The following SUMO2 variants were observed in gnomAD, a reference collection of about 807,000 sequenced individuals.
SUMO2 encodes the protein small ubiquitin like modifier 2, also known as small ubiquitin-related modifier 2.
A neutral mutation model predicts 16.0 loss-of-function variants in SUMO2; 1 was observed. The observed-to-expected ratio is 0.06, with a 90% CI of 0.02 to 0.30. The LOEUF is 0.30. SUMO2 is among the 10% of genes least tolerant of loss of function. The probability of loss-of-function intolerance (pLI) is 1.00; values close to 1 mark genes in which losing one functional copy is unlikely to be tolerated. For missense variants in SUMO2, 16 were observed against 117.5 expected (o/e 0.14, Z 3.99); for synonymous variants, 36 against 40.6 (o/e 0.89, Z 0.43).
At chr17:75,170,806 C>T (rs542806556) in intron 3 of SUMO2, among the ~76,000 whole-genome samples, 4 of 148,886 alleles carry the variant, frequency 2.7e-5, no homozygotes, top group African/African-American at 5.0e-5. Flanking sequence ...GCTGAGATCA[C>T]GCCACTGCAC....
At chr17:75,172,391 C>T (rs1476545852) in intron 3 of SUMO2, among the ~76,000 whole-genome samples, 1 of 148,440 alleles carries the variant, frequency 6.7e-6, no homozygotes, top group African/African-American at 2.5e-5. Context: ...ACTATCTCTG[C>T]TGACTTTAAT....
intron 3 of SUMO2, among the ~76,000 whole-genome samples, chr17:75,174,009 T>C (rs752221079): frequency 3.9e-5 from 6 of 152,166 alleles, no homozygotes; most frequent in African/African-American, 1.2e-4. Flanking sequence ...AACAAAGCTA[T>C]GGGACGTGGC....
intron 2 of SUMO2, among the ~76,000 whole-genome samples, chr17:75,178,701 C>T (rs1457892245): frequency 1.3e-5 from 2 of 151,964 alleles, no homozygotes; most frequent in South Asian, 2.1e-4. Context: ...CTGAAATAGC[C>T]TGGACTACAG....
At chr17:75,169,532 C>T (rs1430617302) in intron 3 of SUMO2, among the ~76,000 whole-genome samples, 3 of 151,694 alleles carry the variant, frequency 2.0e-5, no homozygotes, top group African/African-American at 4.8e-5. Context: ...TACAGGTGCC[C>T]GCCACAACGC....
chr17:75,179,834 G>T (rs1178820573), intron 2 of SUMO2, among the ~76,000 whole-genome samples: 1 of 151,750 alleles, frequency 6.6e-6, no homozygotes, highest in African/African-American at 2.4e-5. Flanking sequence ...AATTTTTTTG[G>T]ATTTTTAGTA....
intron 1 of SUMO2, 81 bp from the exon 2 acceptor site, chr17:75,181,269 C>T: frequency 6.9e-7 from 1 of 1,445,278 alleles, no homozygotes; most frequent in Non-Finnish European, 9.5e-7. Context: ...GCCCTAGTTG[C>T]TTCAAAAATC....
intron 1 of SUMO2, among the ~76,000 whole-genome samples, chr17:75,181,979 G>A (rs542591553): frequency 6.6e-6 from 1 of 152,214 alleles, no homozygotes; most frequent in African/African-American, 2.4e-5. Flanking sequence ...GCGGGAGGCG[G>A]GGGGTGCCAC....
At chr17:75,178,028 C>A (rs977950695) in intron 2 of SUMO2, among the ~76,000 whole-genome samples, 1 of 144,324 alleles carries the variant, frequency 6.9e-6, no homozygotes, top group Non-Finnish European at 1.5e-5. Context: ...CCCAGTGGCA[C>A]AAGCCTATAG....
At chr17:75,174,568 TA>T in intron 3 of SUMO2, among the ~76,000 whole-genome samples, 183 bp downstream of exon 3, 1 of 152,242 alleles carries the variant, frequency 6.6e-6, no homozygotes, top group South Asian at 2.1e-4. Flanking sequence ...AATAAATGAA[TA>T]AAAACCATTG....
intron 3 of SUMO2, among the ~76,000 whole-genome samples, chr17:75,169,370 C>A (rs2074717568): frequency 6.6e-6 from 1 of 151,828 alleles, no homozygotes. Flanking sequence ...GACACCCCAT[C>A]CCTATTAAAA....
intron 1 of SUMO2, chr17:75,182,258 G>A (rs1159942289): frequency 1.3e-5 from 2 of 152,318 alleles, no homozygotes; most frequent in Non-Finnish European, 2.9e-5. Flanking sequence ...CCTACCCCCA[G>A]GCCCAGGACG....
chr17:75,180,295 C>T (rs1289494041), intron 2 of SUMO2, among the ~76,000 whole-genome samples: 2 of 146,964 alleles, frequency 1.4e-5, no homozygotes, highest in South Asian at 2.1e-4. Flanking sequence ...GCCTGGGCAA[C>T]AGAGCAAGAC....
At chr17:75,180,913 A>T in intron 2 of SUMO2, 144 bp downstream of exon 2, 1 of 852,592 alleles carries the variant, frequency 1.2e-6, no homozygotes. Flanking sequence ...CAATATACCA[A>T]GTGCACGACA....
In SUMO2 at chr17:75,168,050, G is replaced by C. The variant is rs2074706621; in HGVS notation, c.*289C>G. 3.7e-6 allele frequency: 1 copy of C among 270,358 alleles called. No individual in the cohort carries two copies. The highest frequency in any genetic ancestry group is 6.9e-6 in the Non-Finnish European group (1 of 145,446). The allele number at this position is 270,358 out of a possible 1,614,324, so 16.7% of individuals were successfully genotyped here. ...ATGAGCATGCCACTAATGGAGAAAG[G>C]GGGTATTTTCACAGAATCAGTATTT... On this transcript the variant is annotated 3_prime_UTR_variant, in exon 4 of 4. Coordinates refer to ENST00000420826, the MANE Select transcript of SUMO2 (RefSeq NM_006937.4).
chr17:75,171,729 A>G (rs993152532), intron 3 of SUMO2, among the ~76,000 whole-genome samples: 1 of 152,148 alleles, frequency 6.6e-6, no homozygotes, highest in Non-Finnish European at 1.5e-5. Flanking sequence ...TCCTTGTTTA[A>G]TATTTGTAAC....
chr17:75,169,808 C>T (rs529167162), intron 3 of SUMO2, among the ~76,000 whole-genome samples: 11 of 142,430 alleles, frequency 7.7e-5, no homozygotes, highest in Admixed American at 6.6e-4. Flanking sequence ...AAGATTGTGC[C>T]ACTGGACTCC....
At chr17:75,181,223 A>G in intron 1 of SUMO2, 35 bp from the exon 2 acceptor site, 1 of 1,608,116 alleles carries the variant, frequency 6.2e-7, no homozygotes, top group South Asian at 1.1e-5. Flanking sequence ...AATTTGGGAA[A>G]TGTGATCAAC....
Position 75,166,412 on chromosome 17 carries a change from T to G in SUMO2, c.*1927A>C, listed in dbSNP as rs1490464093. On this transcript the variant is annotated 3_prime_UTR_variant, in exon 4 of 4. Transcript: ENST00000420826. ...ATCAGTTGAACCCGGGAGGCGGAGG[T>G]TGCAGTGAGCTGAGATCATGTCATT... The G allele has an allele frequency of 6.6e-6, 1 of 151,886 alleles. No individual in the cohort carries two copies. Among genetic ancestry groups the G allele is most frequent in the African/African-American group, 2.4e-5 (1 of 41,332 alleles). The allele number at this position is 151,886 out of a possible 1,614,324, so 9.4% of individuals were successfully genotyped here.
In SUMO2 at chr17:75,166,972, T is replaced by G. The variant is rs1049882195; in HGVS notation, c.*1367A>C. 6.6e-6 allele frequency: 1 copy of G among 151,710 alleles called. No individual in the cohort carries two copies. Among genetic ancestry groups the G allele is most frequent in the Non-Finnish European group, 1.5e-5 (1 of 67,948 alleles). The allele number at this position is 151,710 out of a possible 1,614,324, so 9.4% of individuals were successfully genotyped here. A position where few individuals can be genotyped will look rare whatever the true frequency, so the allele number is the denominator to read the frequency against. On this transcript the variant is annotated 3_prime_UTR_variant, in exon 4 of 4. Coordinates refer to ENST00000420826, the MANE Select transcript of SUMO2 (RefSeq NM_006937.4). ...TAAAATAATAAAGACTGTAGTGACC[T>G]GTATATTTAAGGTTCTGAGGATGGA...
Sources: gnomAD v4.1 joint callset for allele counts (sites outside exome capture counted in the v4.1 genomes callset) on GRCh38, gnomAD v4.1.1 for gene constraint, MANE v1.5 for transcripts, NCBI Gene and HGNC (gene_info 2026-07-23, HGNC 2026-07-21) for gene names.